Variants in ABHD17C observed in about 807,000 individuals in gnomAD.
The protein encoded by ABHD17C is alpha/beta hydrolase domain-containing protein 17C.
Under a neutral mutation model 27.9 loss-of-function variants are expected in ABHD17C, and 11 were observed. The ratio of observed to expected loss-of-function variants is 0.39; its 90% CI spans 0.25 to 0.65. ABHD17C has a LOEUF of 0.65. Among genes scored for constraint, ABHD17C ranks in the 30% least tolerant of loss-of-function variants. The pLI is 0.45. For missense variants in ABHD17C, 280 were observed against 470.2 expected (o/e 0.60, Z 3.74); for synonymous variants, 233 against 209.1 (o/e 1.11, Z -0.98).
chr15:80,717,533 A>G (rs1288105507), intron 1 of ABHD17C, among the ~76,000 whole-genome samples: 1 of 151,894 alleles, frequency 6.6e-6, no homozygotes, highest in East Asian at 1.9e-4. Context: ...AGCTGGGATT[A>G]CAGATGTGCA....
intron 1 of ABHD17C, among the ~76,000 whole-genome samples, chr15:80,709,482 C>A (rs1189961805): frequency 7.6e-6 from 1 of 132,442 alleles, no homozygotes. Context: ...AAGCGAGACT[C>A]TGTCTCAAAA....
At chr15:80,715,003 G>T (rs145238470) in intron 1 of ABHD17C, among the ~76,000 whole-genome samples, 1 of 152,132 alleles carries the variant, frequency 6.6e-6, no homozygotes, top group African/African-American at 2.4e-5. Flanking sequence ...GGATGGTCTC[G>T]ATCTCCTGAC....
intron 1 of ABHD17C, among the ~76,000 whole-genome samples, chr15:80,710,821 CCTGCCT>C (rs760428185): frequency 6.6e-6 from 1 of 152,028 alleles, no homozygotes; most frequent in Non-Finnish European, 1.5e-5. Context: ...TCTTCCTGCC[CCTGCCT>C]CTGCCTCCCT....
At chr15:80,723,447 G>C (rs1404519543) in intron 1 of ABHD17C, among the ~76,000 whole-genome samples, 3 of 152,110 alleles carry the variant, frequency 2.0e-5, no homozygotes, top group Non-Finnish European at 2.9e-5. Context: ...CATAAGGAAG[G>C]AACTGACTAG....
In ABHD17C at chr15:80,747,967, G is replaced by A. The variant is rs144470037; in HGVS notation, c.591-1546G>A. Among the ~76,000 whole-genome samples the A allele has an allele frequency of 1.7e-3, 260 of 152,124 alleles. 3 individuals are homozygous for A. In the Middle Eastern group the frequency reaches 0.02, roughly 12 times the overall value. ...CGTAACCCTTTAGCTTCCAATTCAC[G>A]CTATCCTAGCACATCCCCTGCCGGC... On this transcript the variant is annotated intron_variant, in intron 1 of 2. Transcript: ENST00000258884.
chr15:80,743,049 C>T (rs2141519476), intron 1 of ABHD17C, among the ~76,000 whole-genome samples: 1 of 152,082 alleles, frequency 6.6e-6, no homozygotes, highest in East Asian at 1.9e-4. Context: ...GCTGTGGCCT[C>T]AAGCACAGAG....
At chr15:80,713,222 C>T (rs1894751107) in intron 1 of ABHD17C, among the ~76,000 whole-genome samples, 3 of 152,052 alleles carry the variant, frequency 2.0e-5, no homozygotes, top group African/African-American at 7.2e-5. Context: ...GCCAGGCTCT[C>T]CTTGGTGTGC....
chr15:80,722,086 A>G (rs1012790197), intron 1 of ABHD17C, among the ~76,000 whole-genome samples: 3 of 151,968 alleles, frequency 2.0e-5, no homozygotes, highest in African/African-American at 4.8e-5. Flanking sequence ...CTGTTATAGC[A>G]TGTCCTGGAC....
intron 1 of ABHD17C, among the ~76,000 whole-genome samples, chr15:80,733,852 A>G (rs1032196129): frequency 1.2e-4 from 18 of 152,226 alleles, no homozygotes; most frequent in African/African-American, 4.1e-4. Context: ...TCAAATTGAT[A>G]ATTAAATTCA....
chr15:80,722,768 A>C (rs1894915916), intron 1 of ABHD17C, among the ~76,000 whole-genome samples: 1 of 152,112 alleles, frequency 6.6e-6, no homozygotes, highest in Admixed American at 6.5e-5. Context: ...TCTGTGCTTC[A>C]TGTGTTTGCC....
chr15:80,730,024 C>G (rs530793381), intron 1 of ABHD17C, among the ~76,000 whole-genome samples: 1 of 152,002 alleles, frequency 6.6e-6, no homozygotes, highest in Admixed American at 6.6e-5. Flanking sequence ...GAGGCTGAGA[C>G]AGGAGAACCA....
chr15:80,727,347 A>G (rs924212943), intron 1 of ABHD17C, among the ~76,000 whole-genome samples: 1 of 152,128 alleles, frequency 6.6e-6, no homozygotes, highest in Admixed American at 6.5e-5. Context: ...GAGAAATTCA[A>G]ACTATCTGGT....
intron 1 of ABHD17C, among the ~76,000 whole-genome samples, chr15:80,705,333 T>TTTGTGTGTGTGTGTGTGTGTGTG (rs10523879): frequency 0.014 from 1,529 of 106,862 alleles, 21 homozygotes; most frequent in East Asian, 0.032. Flanking sequence ...TTCCTATGAT[T>TTTGTGTGTGTGTGTGTGTGTGTG]TGTGTGTGTG....
intron 1 of ABHD17C, among the ~76,000 whole-genome samples, chr15:80,700,689 G>C (rs1239353728): frequency 6.6e-6 from 1 of 152,128 alleles, no homozygotes; most frequent in South Asian, 2.1e-4. Context: ...CTTGAGCCCA[G>C]GAGTTCAAGA....
At chr15:80,743,413 G>A (rs529523854) in intron 1 of ABHD17C, among the ~76,000 whole-genome samples, 15 of 152,236 alleles carry the variant, frequency 9.9e-5, no homozygotes, top group African/African-American at 2.6e-4. Context: ...GATAGAAAGC[G>A]CTGTGTGTAG....
chr15:80,736,384 G>A (rs573066238), intron 1 of ABHD17C, among the ~76,000 whole-genome samples: 7 of 152,258 alleles, frequency 4.6e-5, no homozygotes, highest in South Asian at 4.1e-4. Context: ...TATAAAGCAC[G>A]TTTGTTAAGT....
At chr15:80,704,401 C>T (rs1181102391) in intron 1 of ABHD17C, among the ~76,000 whole-genome samples, 29 of 152,158 alleles carry the variant, frequency 1.9e-4, no homozygotes, top group Admixed American at 1.9e-3. Context: ...CTGCCTGGAG[C>T]TGGGCTCCTT....
chr15:80,720,752 C>T (rs1303107178), intron 1 of ABHD17C, among the ~76,000 whole-genome samples: 1 of 151,960 alleles, frequency 6.6e-6, no homozygotes, highest in African/African-American at 2.4e-5. Context: ...GAAACTCCGT[C>T]TCTACTAAAA....
chr15:80,715,919 GA>G (rs969064560), intron 1 of ABHD17C, among the ~76,000 whole-genome samples: 19 of 149,878 alleles, frequency 1.3e-4, no homozygotes, highest in South Asian at 4.2e-4. Flanking sequence ...TATTTGACCT[GA>G]AAAAAAAAAT....
Sources: gnomAD v4.1 joint callset for allele counts (sites outside exome capture counted in the v4.1 genomes callset) on GRCh38, gnomAD v4.1.1 for gene constraint, MANE v1.5 for transcripts, NCBI Gene and HGNC (gene_info 2026-07-23, HGNC 2026-07-21) for gene names.